The following FAM234A variants were observed in gnomAD, a reference collection of about 807,000 sequenced individuals.
The protein encoded by FAM234A is protein FAM234A.
In FAM234A, 42 loss-of-function variants were observed where a neutral mutation model predicts 49.1. The ratio of observed to expected loss-of-function variants is 0.86; its 90% CI spans 0.67 to 1.11. The LOEUF (loss-of-function observed/expected upper bound fraction) is 1.11. FAM234A is among the 50% of genes least tolerant of loss of function. The pLI is 0.00. For missense variants in FAM234A, 815 were observed against 745.2 expected (o/e 1.09, Z -1.09); for synonymous variants, 369 against 316.2 (o/e 1.17, Z -1.77).
chr16:261,503 G>C lies in FAM234A; in HGVS notation c.697G>C (p.Glu233Gln), dbSNP rs779255204. Residue 233 changes from glutamate to glutamine, a missense_variant, in exon 6 of 13, where the codon GAG (glutamate) becomes CAG (glutamine). Transcript: ENST00000399932. The part of the protein sequence containing the change: ...GAPDLLVLTQ[E>Q]REEVSGHLYS... Reference sequence around the variant, plus strand: ...CCCAGACCTGCTGGTTCTCACCCAGGAGCGGGAGGAGGTACATCCCAGCCT... The same window carrying C: ...CCCAGACCTGCTGGTTCTCACCCAGCAGCGGGAGGAGGTACATCCCAGCCT... 1.6e-5 allele frequency: 25 copies of C among 1,604,604 alleles called. No individual in the cohort carries two copies. The highest frequency in any genetic ancestry group is 2.0e-5 in the Non-Finnish European group (24 of 1,176,472).
downstream of FAM234A, chr16:268,662 C>T (rs919236068): frequency 1.0e-4 from 110 of 1,093,010 alleles, no homozygotes; most frequent in Middle Eastern, 2.6e-4. Context: ...CAGGTGCCGG[C>T]GCACCTGTGG....
chr16:267,983 G>A (rs561707180), downstream of FAM234A, among the ~76,000 whole-genome samples: 1 of 146,206 alleles, frequency 6.8e-6, no homozygotes, highest in African/African-American at 2.6e-5. Context: ...GTGCCTCAGT[G>A]CTACACATGC....
chr16:253,184 G>A (rs951522547), intron 2 of FAM234A, among the ~76,000 whole-genome samples: 16 of 152,134 alleles, frequency 1.1e-4, no homozygotes, highest in African/African-American at 3.9e-4. Context: ...TTTCTAAGAC[G>A]GCGACTGCCG....
intron 1 of FAM234A, among the ~76,000 whole-genome samples, chr16:235,981 C>G (rs546204811): frequency 2.6e-5 from 4 of 151,422 alleles, no homozygotes; most frequent in African/African-American, 9.7e-5. Flanking sequence ...GGTGAAATCC[C>G]GTCTCTACTA....
intron 3 of FAM234A, among the ~76,000 whole-genome samples, chr16:258,793 T>C (rs892810546): frequency 6.6e-5 from 10 of 152,188 alleles, no homozygotes; most frequent in Non-Finnish European, 1.2e-4. Context: ...TTTTTTGTTT[T>C]TGTTTTTTGA....
rs559036158 is a variant in FAM234A, at chr16:262,502, C to G, written c.920C>G (p.Pro307Arg). ...TGSGGPFKSD[P>R]HWESMLNATT... ...AGCGGCGGCCCGTTCAAGAGTGACC[C>G]GCACTGGGAGAGCATGCTCAATGCC... Residue 307 changes from proline to arginine, a missense_variant, in exon 8 of 13, where the codon CCG (proline) becomes CGG (arginine). By Grantham distance (103) the Pro-to-Arg change is moderately radical. Transcript: ENST00000399932. 18 of 1,612,614 alleles carry G rather than the reference C, an allele frequency of 1.1e-5. No homozygotes were observed. The South Asian group carries it at 1.9e-4, about 17-fold the overall frequency.
downstream of FAM234A, chr16:269,525 TC>T: frequency 6.2e-7 from 1 of 1,613,218 alleles, no homozygotes; most frequent in Non-Finnish European, 8.5e-7. Context: ...TCCAGCGGGA[TC>T]CCAGCCTCTG....
intron 1 of FAM234A, among the ~76,000 whole-genome samples, chr16:240,524 CAG>C (rs1394222757): frequency 2.0e-5 from 3 of 146,426 alleles, no homozygotes; most frequent in African/African-American, 5.1e-5. Flanking sequence ...TTTTTTGAGA[CAG>C]AGTCTTGCTC....
downstream of FAM234A, chr16:268,893 C>T (rs769581493): frequency 8.4e-6 from 13 of 1,550,396 alleles, no homozygotes; most frequent in African/African-American, 8.2e-5. Flanking sequence ...ATCTTGCTTC[C>T]GGGTATTCGC....
In FAM234A at chr16:260,404, AAC is replaced by A. The variant is rs941788415; in HGVS notation, c.577+250_577+251del. The A allele has an allele frequency of 5.1e-5, 29 of 573,742 alleles. No individual in the cohort carries two copies. In the Admixed American group the frequency reaches 6.1e-4, roughly 12 times the overall value. 35.5% of individuals were successfully genotyped at this position (573,742 alleles called of 1,614,324 possible). A position where few individuals can be genotyped will look rare whatever the true frequency, so the allele number is the denominator to read the frequency against. ...CCGTTACACCTTGCTGGTGGGCTGT[AAC>A]ACACAGGGGCAGTCCGATGTCACCT... On this transcript the variant is annotated intron_variant, in intron 5 of 12. Transcript: ENST00000399932.
At chr16:268,619 CG>C (rs137924642), downstream of FAM234A, 21 of 681,076 alleles carry the variant, frequency 3.1e-5, no homozygotes, top group Non-Finnish European at 4.0e-5. Context: ...GTCTATAAAT[CG>C]GGGGGGAGGC....
intron 1 of FAM234A, among the ~76,000 whole-genome samples, chr16:242,904 G>A (rs942143367): frequency 3.3e-5 from 5 of 151,496 alleles, no homozygotes; most frequent in Admixed American, 6.6e-5. Context: ...GAGCTACCAC[G>A]CCCATCCCGT....
chr16:246,740 G>A (rs1435823395), intron 1 of FAM234A, among the ~76,000 whole-genome samples: 1 of 142,162 alleles, frequency 7.0e-6, no homozygotes, highest in Non-Finnish European at 1.5e-5. Context: ...TTTTTTTTTC[G>A]ATCGATTGGT....
At chr16:249,180 C>T (rs1460428587) in intron 1 of FAM234A, among the ~76,000 whole-genome samples, 1 of 151,994 alleles carries the variant, frequency 6.6e-6, no homozygotes, top group Admixed American at 6.6e-5. Context: ...TCCCCTTTGC[C>T]TTGCTTGCTT....
rs536921493 is a variant in FAM234A, at chr16:254,086, A to G, written c.-33-295A>G. 3.3e-5 allele frequency: 12 copies of G among 358,220 alleles called. No homozygotes were observed. In the East Asian group the frequency reaches 6.9e-4, roughly 20 times the overall value. 22.2% of individuals were successfully genotyped at this position (358,220 alleles called of 1,614,324 possible). A position where few individuals can be genotyped will look rare whatever the true frequency, so the allele number is the denominator to read the frequency against. On this transcript the variant is annotated intron_variant, in intron 2 of 12. Coordinates refer to ENST00000399932, the MANE Select transcript of FAM234A (RefSeq NM_032039.4). The stretch of plus-strand genomic sequence containing the variant: ...GTTAACACTGCCCTGGAGCTCATTG[A>G]GCATTTCCTGGGTTCGGCAGGCAGG...
rs772141542 is a variant in FAM234A at position 265,915 on chromosome 16, G to T, written c.*893G>T. ...CTTCCGGTGCTCACACGCCCACGCC[G>T]TGCCACCCGATGCAGGACTCACCTC... On this transcript the variant is annotated 3_prime_UTR_variant, in exon 13 of 13. Transcript: ENST00000399932. 10 of 986,260 alleles carry T rather than the reference G, an allele frequency of 1.0e-5. No individual in the cohort carries two copies. In the African/African-American group the frequency reaches 1.6e-4, roughly 16 times the overall value. 61.1% of individuals were successfully genotyped at this position (986,260 alleles called of 1,614,324 possible).
chr16:246,899 C>G (rs2050832164), intron 1 of FAM234A: 1 of 151,924 alleles, frequency 6.6e-6, no homozygotes, highest in Non-Finnish European at 1.5e-5. Context: ...CCTCAGCCTC[C>G]TGAGTAGTTG....
At chr16:261,348 C>T in intron 5 of FAM234A, 36 bp from the exon 6 acceptor site, 1 of 1,593,060 alleles carries the variant, frequency 6.3e-7, no homozygotes, top group South Asian at 1.1e-5. Context: ...GAAGGGGACT[C>T]AGGGCCACGT....
chr16:261,328 G>C (rs566699080), intron 5 of FAM234A, 56 bp from the exon 6 acceptor site: 55 of 1,579,304 alleles, frequency 3.5e-5, no homozygotes, highest in Non-Finnish European at 4.6e-5. Flanking sequence ...GCAGTTGCCG[G>C]GCTGCTGTTG....
Sources: allele counts gnomAD v4.1 joint callset (sites outside exome capture counted in the v4.1 genomes callset), GRCh38; gene constraint gnomAD v4.1.1; transcripts MANE v1.5; gene names NCBI Gene and HGNC (gene_info 2026-07-23, HGNC 2026-07-21).